The following RUVBL1 variants were observed in gnomAD, a reference collection of about 807,000 sequenced individuals.
RUVBL1 encodes RuvB like AAA ATPase 1.
RUVBL1 carries 4 observed loss-of-function variants against 52.4 expected under a neutral mutation model. The observed-to-expected ratio is 0.08, with a 90% CI of 0.04 to 0.17. RUVBL1 has a LOEUF of 0.17. Among genes scored for constraint, RUVBL1 ranks in the 10% least tolerant of loss-of-function variants. RUVBL1 has a pLI of 1.00. For missense variants in RUVBL1, 298 were observed against 572.8 expected (o/e 0.52, Z 4.90); for synonymous variants, 217 against 214.4 (o/e 1.01, Z -0.10).
At chr3:128,134,726 G>A (rs1271299906) in intron 1 of RUVBL1, among the ~76,000 whole-genome samples, 1 of 151,778 alleles carries the variant, frequency 6.6e-6, no homozygotes, top group Non-Finnish European at 1.5e-5. Flanking sequence ...AATTGAGCCT[G>A]GGAGGTCAAG....
intron 1 of RUVBL1, among the ~76,000 whole-genome samples, chr3:128,152,728 G>C (rs912362458): frequency 1.3e-5 from 2 of 152,202 alleles, no homozygotes; most frequent in Admixed American, 1.3e-4. Flanking sequence ...GCGGACCTTC[G>C]CAGTGAGTGT....
chr3:128,153,775 C>G, exon 1 of RUVBL1: 1 of 1,535,310 alleles, frequency 6.5e-7, no homozygotes, highest in Non-Finnish European at 8.7e-7. Flanking sequence ...TCAGGTCACG[C>G]TGGTCGACTG....
chr3:128,151,119 T>C (rs1316707377), intron 1 of RUVBL1, among the ~76,000 whole-genome samples: 4 of 122,660 alleles, frequency 3.3e-5, no homozygotes, highest in African/African-American at 1.2e-4. Context: ...CTGTATATAT[T>C]CTATATATAT....
intron 9 of RUVBL1, chr3:128,071,451 TG>T (rs1032975737): frequency 1.3e-5 from 2 of 152,628 alleles, no homozygotes; most frequent in Admixed American, 1.3e-4. Context: ...CCCAAGCTGG[TG>T]GGCAGGGGGC....
chr3:128,109,220 C>T (rs961660393), intron 3 of RUVBL1, among the ~76,000 whole-genome samples: 1 of 152,098 alleles, frequency 6.6e-6, no homozygotes, highest in Admixed American at 6.5e-5. Flanking sequence ...TGTTTTACAT[C>T]CTTCTCTATA....
chr3:128,125,428 GT>G (rs1429183444), upstream of RUVBL1, among the ~76,000 whole-genome samples: 4 of 152,122 alleles, frequency 2.6e-5, no homozygotes, highest in Admixed American at 2.6e-4. Flanking sequence ...CTGGGTCAAT[GT>G]TTTTCTCTCC....
chr3:128,104,215 C>T lies in RUVBL1; in HGVS notation c.513+558G>A, dbSNP rs186481980. Among the ~76,000 whole-genome samples the T allele has an allele frequency of 1.9e-3, 289 of 152,316 alleles. 1 individual carries two copies. The highest frequency in any genetic ancestry group is 6.5e-3 in the African/African-American group (269 of 41,564). On this transcript the variant is annotated intron_variant, in intron 4 of 10. Transcript: ENST00000322623. ...CAGGTGGCTGAGGACTGTCTTTGAG[C>T]GCTATCCAGTGTCACCATTCTGGCC...
intron 8 of RUVBL1, among the ~76,000 whole-genome samples, chr3:128,088,144 C>T (rs1942709108): frequency 6.6e-6 from 1 of 151,878 alleles, no homozygotes; most frequent in East Asian, 1.9e-4. Flanking sequence ...CACCTGTAAT[C>T]CCAGCTACTC....
At chr3:128,151,369 CT>C (rs1439568561) in intron 1 of RUVBL1, among the ~76,000 whole-genome samples, 2 of 150,420 alleles carry the variant, frequency 1.3e-5, no homozygotes, top group African/African-American at 4.9e-5. Flanking sequence ...CCAGCCAAAC[CT>C]TTTTTCTTTT....
chr3:128,123,808 T>A lies in RUVBL1; in HGVS notation c.-84A>T, dbSNP rs369285372. 2 of 1,458,394 alleles carry A rather than the reference T, an allele frequency of 1.4e-6. No individual in the cohort carries two copies. The highest frequency in any genetic ancestry group is 5.0e-5 in the East Asian group (2 of 40,192). 90.3% of individuals were successfully genotyped at this position (1,458,394 alleles called of 1,614,324 possible). A position where few individuals can be genotyped will look rare whatever the true frequency, so the allele number is the denominator to read the frequency against. On this transcript the variant is annotated 5_prime_UTR_variant, in exon 1 of 11. Coordinates refer to ENST00000322623, the MANE Select transcript of RUVBL1 (RefSeq NM_003707.3). Reference sequence around the variant, plus strand: ...CGGCGCCTGAGTTACCATGCGGCCGTTACTAGGGCAATTTGCAAAGGCCCG... The same window carrying A: ...CGGCGCCTGAGTTACCATGCGGCCGATACTAGGGCAATTTGCAAAGGCCCG...
Position 128,067,223 on chromosome 3 carries a change from T to C in RUVBL1, c.940-2003A>G, listed in dbSNP as rs145462131. On this transcript the variant is annotated intron_variant, in intron 9 of 9. Transcript: ENST00000464873. This position sits in a 1 kb window ranked among gnomAD's most constrained non-coding sequence, Gnocchi z 4.1. ...GTGGTTTCTATCAGTGTCTTGCTCA[T>C]GAACAGATATTTCATCCAAAGATAT... is the stretch of plus-strand genomic sequence containing the variant. 1.4e-4 allele frequency: 195 copies of C among 1,417,984 alleles called. No homozygotes were observed. The African/African-American group carries it at 2.4e-3, about 18-fold the overall frequency. The allele number at this position is 1,417,984 out of a possible 1,614,324, so 87.8% of individuals were successfully genotyped here.
chr3:128,099,883 T>G (rs1363979143), intron 6 of RUVBL1, among the ~76,000 whole-genome samples: 1 of 152,162 alleles, frequency 6.6e-6, no homozygotes, highest in African/African-American at 2.4e-5. Flanking sequence ...GACTTCTGAC[T>G]CCCAGCCCAG....
downstream of RUVBL1, among the ~76,000 whole-genome samples, chr3:128,080,218 A>C (rs1942430933): frequency 6.6e-6 from 1 of 152,256 alleles, no homozygotes; most frequent in African/African-American, 2.4e-5. Context: ...CACTGGCCAA[A>C]GCTGGCTCAA....
chr3:128,126,420 C>T (rs902370574), upstream of RUVBL1, among the ~76,000 whole-genome samples: 5 of 152,136 alleles, frequency 3.3e-5, no homozygotes, highest in Non-Finnish European at 5.9e-5. Flanking sequence ...ATGGCAGGCG[C>T]CTGTAACCCC....
intron 1 of RUVBL1, among the ~76,000 whole-genome samples, chr3:128,142,391 G>A (rs1485604209): frequency 1.3e-5 from 2 of 152,174 alleles, no homozygotes; most frequent in Non-Finnish European, 2.9e-5. Flanking sequence ...AATAAGCCTG[G>A]TAAAGACCTT....
intron 1 of RUVBL1, among the ~76,000 whole-genome samples, chr3:128,120,393 T>G (rs868491988): frequency 6.6e-6 from 1 of 152,230 alleles, no homozygotes. Context: ...ATATTTTAAA[T>G]ACATTATAAA....
chr3:128,140,234 T>TTG (rs1553732531), intron 1 of RUVBL1, among the ~76,000 whole-genome samples: 12 of 83,406 alleles, frequency 1.4e-4, no homozygotes, highest in South Asian at 9.6e-4. Flanking sequence ...GTTTGTTTGT[T>TTG]TTTTTTTTTT....
chr3:128,095,888 T>TAC (rs1288336940), intron 8 of RUVBL1, among the ~76,000 whole-genome samples: 2 of 152,024 alleles, frequency 1.3e-5, no homozygotes, highest in Non-Finnish European at 2.9e-5. Context: ...TCCCAGAGAG[T>TAC]ACACTACAGG....
At chr3:128,104,726 C>A (rs894979884) in intron 4 of RUVBL1, 47 bp downstream of exon 4, 7 of 1,533,048 alleles carry the variant, frequency 4.6e-6, no homozygotes, top group Middle Eastern at 1.7e-4. Flanking sequence ...CAAAGCCACA[C>A]AGTGCTGGGA....
Sources: allele counts gnomAD v4.1 joint callset (sites outside exome capture counted in the v4.1 genomes callset), GRCh38; gene constraint gnomAD v4.1.1; non-coding constraint Gnocchi (gnomAD v3.1); transcripts MANE v1.5; gene names NCBI Gene and HGNC (gene_info 2026-07-23, HGNC 2026-07-21).